PCDHGA1: variants seen among roughly 807,000 people sequenced by gnomAD.
The protein encoded by PCDHGA1 is protocadherin gamma-A1.
Under a neutral mutation model 58.0 loss-of-function variants are expected in PCDHGA1, and 32 were observed. That is an observed-to-expected ratio of 0.55 (90% CI 0.42 to 0.74). The LOEUF (loss-of-function observed/expected upper bound fraction) is 0.74. Among genes scored for constraint, PCDHGA1 ranks in the 30% least tolerant of loss-of-function variants. The pLI is 0.00. For synonymous variants in PCDHGA1, 498 were observed against 501.1 expected (o/e 0.99, Z 0.08); for missense variants, 1,205 against 1,182.3 (o/e 1.02, Z -0.28).
At position 141,476,356 on chromosome 5, in the gene PCDHGA1, C is replaced by T. The variant is rs757679991; in HGVS notation, c.2422-18451C>T. The stretch of plus-strand genomic sequence containing the variant: ...CTAGCCGAAGATTCTTTGAGGTGAA[C>T]CGGGAGACCGGAGAGATGTTTGTGA... On this transcript the variant is annotated intron_variant, in intron 1 of 3. Coordinates refer to ENST00000517417, the MANE Select transcript of PCDHGA1 (RefSeq NM_018912.3). This position sits in a 1 kb window ranked among gnomAD's most constrained non-coding sequence, Gnocchi z 7.6. 6 of 1,613,958 alleles carry T rather than the reference C, an allele frequency of 3.7e-6. No individual in the cohort carries two copies. The African/African-American group carries it at 4.0e-5, about 11-fold the overall frequency.
chr5:141,351,869 G>A, intron 1 of PCDHGA1: 2 of 1,613,240 alleles, frequency 1.2e-6, no homozygotes, highest in South Asian at 2.2e-5. Context: ...GGGCTCCCCC[G>A]CGCTCAGCGC....
Position 141,347,453 on chromosome 5 carries a change from C to A in PCDHGA1, c.2421+14348C>A, listed in dbSNP as rs187746459. On this transcript the variant is annotated intron_variant, in intron 1 of 3. Transcript: ENST00000517417. ...TAGAGGCATGAGCCACCATGCCTGGCCTGTTATTCTTTTCATCTCAATAAC... is the reference window on the plus strand; with the variant it reads ...TAGAGGCATGAGCCACCATGCCTGGACTGTTATTCTTTTCATCTCAATAAC... Among the ~76,000 whole-genome samples the A allele has an allele frequency of 4.0e-4, 61 of 152,114 alleles. 1 individual carries two copies. The highest frequency in any genetic ancestry group is 7.4e-4 in the Non-Finnish European group (50 of 68,004).
chr5:141,389,886 G>A, intron 1 of PCDHGA1: 1 of 1,614,078 alleles, frequency 6.2e-7, no homozygotes, highest in Non-Finnish European at 8.5e-7. Context: ...CAGCTTGCAG[G>A]AGGTGCTGCC....
chr5:141,357,723 T>C, intron 1 of PCDHGA1: 2 of 1,391,112 alleles, frequency 1.4e-6, no homozygotes, highest in Admixed American at 5.3e-5. Flanking sequence ...AAGTTGCCTC[T>C]TTTAATATTT....
rs1032445242 is a variant in PCDHGA1 at position 141,487,571 on chromosome 5, G to C, written c.2422-7236G>C. The C allele has an allele frequency of 6.2e-7, 1 of 1,614,060 alleles. No homozygotes were observed. The highest frequency in any genetic ancestry group is 8.5e-7 in the Non-Finnish European group (1 of 1,180,046). ...CAGTGCACCTATGGCAGGGGAGCCTGTTCGCCCAAGCTGCCCACCCTCTGA... is the reference window on the plus strand; with the variant it reads ...CAGTGCACCTATGGCAGGGGAGCCTCTTCGCCCAAGCTGCCCACCCTCTGA... On this transcript the variant is annotated intron_variant, in intron 1 of 3. Transcript: ENST00000517417. This position sits in a 1 kb window ranked among gnomAD's most constrained non-coding sequence, Gnocchi z 5.0.
intron 1 of PCDHGA1, among the ~76,000 whole-genome samples, chr5:141,457,698 G>C (rs1008393847): frequency 7.9e-5 from 12 of 152,234 alleles, no homozygotes; most frequent in Admixed American, 5.2e-4. Flanking sequence ...GATTGGCTTT[G>C]ATGAAACACT....
At chr5:141,510,814 C>T in intron 3 of PCDHGA1, 133 bp from the exon 4 acceptor site, 2 of 1,544,688 alleles carry the variant, frequency 1.3e-6, no homozygotes, top group East Asian at 4.6e-5. Context: ...TTGGTGACCC[C>T]TATATTCCCA....
At position 141,366,426 on chromosome 5, in the gene PCDHGA1, C is replaced by T. The variant is rs764011656; in HGVS notation, c.2421+33321C>T. On this transcript the variant is annotated intron_variant, in intron 1 of 3. Transcript: ENST00000517417. ...CTCTATCTTGTGGTGGCAGTGGCTG[C>T]AGTCTCCTGCGTCTTCCTGGCCTTC... 1.7e-5 allele frequency: 27 copies of T among 1,613,942 alleles called. No homozygotes were observed. Among genetic ancestry groups the T allele is most frequent in the Middle Eastern group, 1.6e-4 (1 of 6,084 alleles).
At position 141,432,834 on chromosome 5, in the gene PCDHGA1, A is replaced by G; in HGVS notation, c.2422-61973A>G. 6.2e-7 allele frequency: 1 copy of G among 1,614,082 alleles called. No homozygotes were observed. The highest frequency in any genetic ancestry group is 8.5e-7 in the Non-Finnish European group (1 of 1,179,978). ...TCTGAAACCTCAGACCTCACTCTGTACCTGGTGGTAGCGGTGGCCGCGGTC... is the reference window on the plus strand; with the variant it reads ...TCTGAAACCTCAGACCTCACTCTGTGCCTGGTGGTAGCGGTGGCCGCGGTC... On this transcript the variant is annotated intron_variant, in intron 1 of 3. Transcript: ENST00000517417. This position sits in a 1 kb window ranked among gnomAD's most constrained non-coding sequence, Gnocchi z 6.0.
At chr5:141,389,813 C>T (rs575968401) in intron 1 of PCDHGA1, 18 of 1,613,844 alleles carry the variant, frequency 1.1e-5, no homozygotes, top group South Asian at 2.2e-5. Flanking sequence ...TTCTGGTCGC[C>T]GTGCGTGACG....
At position 141,426,367 on chromosome 5, in the gene PCDHGA1, G is replaced by A. The variant is rs557191606; in HGVS notation, c.2422-68440G>A. The A allele has an allele frequency of 8.2e-4, 168 of 204,486 alleles. 3 individuals are homozygous for A. The South Asian group carries it at 0.014, about 17-fold the overall frequency. 12.7% of individuals were successfully genotyped at this position (204,486 alleles called of 1,614,324 possible). ...TTTCCTGCTGCCTTTGTTCTGCGGG[G>A]CACCCTCGGAGCAGATCCGCTACTC... is the stretch of plus-strand genomic sequence containing the variant. On this transcript the variant is annotated intron_variant, in intron 1 of 3. Transcript: ENST00000517417.
chr5:141,491,513 A>C lies in PCDHGA1; in HGVS notation c.2422-3294A>C, dbSNP rs1163218369. On this transcript the variant is annotated intron_variant, in intron 1 of 3. Coordinates refer to ENST00000517417, the MANE Select transcript of PCDHGA1 (RefSeq NM_018912.3). The surrounding 1 kb of genome is among the most constrained non-coding windows in gnomAD (Gnocchi z 6.9). ...CAGGTGAGCTCGGACGGCACGCTCAAGTACATGGAGGTGACGCTGCGGCCC... is the reference window on the plus strand; with the variant it reads ...CAGGTGAGCTCGGACGGCACGCTCACGTACATGGAGGTGACGCTGCGGCCC... The C allele has an allele frequency of 6.2e-7, 1 of 1,613,934 alleles. No individual in the cohort carries two copies. Among genetic ancestry groups the C allele is most frequent in the East Asian group, 2.2e-5 (1 of 44,888 alleles).
intron 1 of PCDHGA1, chr5:141,339,142 G>C: frequency 1.9e-6 from 3 of 1,614,220 alleles, no homozygotes. Context: ...TGGAGCCCCT[G>C]GCACTGGCAG....
rs768994399 is a variant in PCDHGA1, at chr5:141,330,971, G to C, written c.287G>C (p.Cys96Ser). The C allele has an allele frequency of 5.0e-6, 8 of 1,614,100 alleles. No individual in the cohort carries two copies. The African/African-American group carries it at 1.1e-4, about 22-fold the overall frequency. ...CGCAGGATAGACCGGGAGGAGCTCT[G>C]CGCTCAGAGCATGCCGTGTCTCGTG... ...TARRIDREELCAQSMPCLVSF... is the reference protein window; with the variant it reads ...TARRIDREELSAQSMPCLVSF... The change falls in exon 1 of 4, where the codon TGC becomes TCC. Residue 96 changes from cysteine to serine, a missense_variant. Coordinates refer to ENST00000517417, the MANE Select transcript of PCDHGA1 (RefSeq NM_018912.3).
intron 1 of PCDHGA1, chr5:141,341,614 GT>G: frequency 1.1e-6 from 1 of 919,270 alleles, no homozygotes; most frequent in Non-Finnish European, 1.6e-6. Context: ...TAAACCAGGA[GT>G]TAATAGATAA....
intron 1 of PCDHGA1, chr5:141,413,373 C>T (rs1421093311): frequency 1.2e-6 from 2 of 1,613,946 alleles, no homozygotes; most frequent in Non-Finnish European, 1.7e-6. Flanking sequence ...TGGCGGAGCG[C>T]GGAGTCCGCA....
intron 1 of PCDHGA1, chr5:141,420,295 T>G (rs1282298065): frequency 6.8e-7 from 1 of 1,466,506 alleles, no homozygotes; most frequent in East Asian, 2.3e-5. Flanking sequence ...AAAAATGTAT[T>G]TAATCCTTTT....
chr5:141,450,937 A>G (rs1011608521), intron 1 of PCDHGA1, among the ~76,000 whole-genome samples: 1 of 148,134 alleles, frequency 6.8e-6, no homozygotes, highest in African/African-American at 2.5e-5. Flanking sequence ...CAATTCTCCT[A>G]CCTCAGCCTC....
intron 1 of PCDHGA1, chr5:141,394,886 C>CT: frequency 1.9e-6 from 3 of 1,613,890 alleles, no homozygotes; most frequent in Non-Finnish European, 2.5e-6. Context: ...GCCTTACACT[C>CT]TATCTCGTGG....
Sources: gnomAD v4.1 joint callset for allele counts (sites outside exome capture counted in the v4.1 genomes callset) on GRCh38, gnomAD v4.1.1 for gene constraint, Gnocchi (gnomAD v3.1) non-coding constraint, MANE v1.5 for transcripts, NCBI Gene and HGNC (gene_info 2026-07-23, HGNC 2026-07-21) for gene names.